The following PRELID2 variants were observed in gnomAD, a reference collection of about 807,000 sequenced individuals.
PRELID2 encodes PRELI domain-containing protein 2.
Under a neutral mutation model 28.4 loss-of-function variants are expected in PRELID2, and 25 were observed. The observed-to-expected ratio is 0.88, with a 90% confidence interval of 0.64 to 1.23. The LOEUF is 1.23. Among genes scored for constraint, PRELID2 ranks in the 50% most tolerant of loss-of-function variants. The probability of loss-of-function intolerance (pLI) is 0.00; values close to 1 mark genes in which losing one functional copy is unlikely to be tolerated. For synonymous variants in PRELID2, 76 were observed against 71.6 expected (o/e 1.06, Z -0.31); for missense variants, 201 against 214.4 (o/e 0.94, Z 0.39).
chr5:145,817,198 A>AAAAAAAAATATAT (rs1365517052), intron 4 of PRELID2, among the ~76,000 whole-genome samples: 2 of 70,078 alleles, frequency 2.9e-5, no homozygotes, highest in South Asian at 5.4e-4. Context: ...TTCAAAAAAA[A>AAAAAAAAATATAT]ATAAATAAAT....
the PRELID2 span, among the ~76,000 whole-genome samples, chr5:145,396,120 C>T: frequency 6.6e-6 from 1 of 152,130 alleles, no homozygotes; most frequent in Non-Finnish European, 1.5e-5. Flanking sequence ...ATTTACAAGA[C>T]CGCTTAATAC....
the PRELID2 span, among the ~76,000 whole-genome samples, chr5:145,380,074 C>T: frequency 6.6e-6 from 1 of 152,328 alleles, no homozygotes; most frequent in Admixed American, 6.5e-5. Context: ...GCACCAAACC[C>T]TCTGGGCTCT....
chr5:145,294,783 T>C, the PRELID2 span, among the ~76,000 whole-genome samples: 1 of 152,160 alleles, frequency 6.6e-6, no homozygotes, highest in Non-Finnish European at 1.5e-5. Context: ...ATTTCTGCAT[T>C]TAATGCCATA....
At chr5:145,828,154 G>C (rs566656453) in intron 1 of PRELID2, among the ~76,000 whole-genome samples, 1 of 152,086 alleles carries the variant, frequency 6.6e-6, no homozygotes, top group South Asian at 2.1e-4. Context: ...TGAGAAGCTT[G>C]GACAAATCAC....
the PRELID2 span, among the ~76,000 whole-genome samples, chr5:145,430,197 A>G: frequency 6.6e-6 from 1 of 152,120 alleles, no homozygotes; most frequent in Non-Finnish European, 1.5e-5. Flanking sequence ...CAAATATACC[A>G]TCCTCCATGA....
the PRELID2 span, among the ~76,000 whole-genome samples, chr5:145,298,835 AT>A: frequency 6.6e-6 from 1 of 152,212 alleles, no homozygotes; most frequent in Non-Finnish European, 1.5e-5. Flanking sequence ...ATATTTTACA[AT>A]GTAACATATT....
At chr5:145,605,728 T>C (rs2149641269) in intron 1 of PRELID2, among the ~76,000 whole-genome samples, 1 of 152,036 alleles carries the variant, frequency 6.6e-6, no homozygotes, top group South Asian at 2.1e-4. Context: ...CCTTGAAAAA[T>C]AATGGAAATA....
rs185271114 is a variant in PRELID2, at chr5:145,539,938, C to A, written n.71-66623G>T. On this transcript the variant is annotated intron_variant and non_coding_transcript_variant, in intron 1 of 2. Coordinates refer to the PRELID2 transcript ENST00000510259. The stretch of plus-strand genomic sequence containing the variant: ...CTAGAAAGAAATAAGCCAAAATGTG[C>A]CTCTAAGTAATGAAATTATGATTGT... 5.3e-3 allele frequency among the ~76,000 whole-genome samples: 809 copies of A among 151,468 alleles called. 2 individuals are homozygous for A. The highest frequency in any genetic ancestry group is 8.0e-3 in the Non-Finnish European group (543 of 67,762).
intron 1 of PRELID2, among the ~76,000 whole-genome samples, chr5:145,699,096 C>T (rs1273789940): frequency 6.6e-6 from 1 of 152,098 alleles, no homozygotes; most frequent in Non-Finnish European, 1.5e-5. Context: ...GGGAGAAACA[C>T]AAACATTCGG....
At chr5:145,370,347 C>T in the PRELID2 span, among the ~76,000 whole-genome samples, 1 of 151,980 alleles carries the variant, frequency 6.6e-6, no homozygotes, top group African/African-American at 2.4e-5. Flanking sequence ...ATATGGCTAG[C>T]CAGTTTTCCC....
the PRELID2 span, among the ~76,000 whole-genome samples, chr5:145,366,719 C>T: frequency 6.6e-6 from 1 of 151,872 alleles, no homozygotes; most frequent in South Asian, 2.1e-4. Context: ...GTGCTCCATA[C>T]AGCATCACAC....
the PRELID2 span, among the ~76,000 whole-genome samples, chr5:145,332,337 C>T: frequency 6.8e-4 from 103 of 152,304 alleles, no homozygotes; most frequent in Non-Finnish European, 8.8e-4. Context: ...GGGAAGTTCT[C>T]CTGGATAATA....
At chr5:145,729,016 T>C in intron 1 of PRELID2, 1 of 694,832 alleles carries the variant, frequency 1.4e-6, no homozygotes, top group South Asian at 1.6e-5. Flanking sequence ...CTGGCCAAAG[T>C]AACATTGGGA....
the PRELID2 span, among the ~76,000 whole-genome samples, chr5:145,261,486 G>A: frequency 5.0e-3 from 766 of 152,234 alleles, 6 homozygotes; most frequent in African/African-American, 0.017. Flanking sequence ...GAGACCTGAA[G>A]ACAGATCACA....
chr5:145,620,372 G>A (rs148670226), intron 1 of PRELID2, among the ~76,000 whole-genome samples: 1 of 152,246 alleles, frequency 6.6e-6, no homozygotes, highest in Non-Finnish European at 1.5e-5. Context: ...AACACTAAGA[G>A]TTAACCCTAA....
the PRELID2 span, among the ~76,000 whole-genome samples, chr5:145,421,046 C>A: frequency 2.5e-3 from 380 of 149,998 alleles, no homozygotes; most frequent in Non-Finnish European, 4.5e-3. Flanking sequence ...TATTGATTTG[C>A]GTATATTGAA....
At chr5:145,646,201 T>A (rs1217253639) in intron 1 of PRELID2, among the ~76,000 whole-genome samples, 1 of 152,188 alleles carries the variant, frequency 6.6e-6, no homozygotes, top group Non-Finnish European at 1.5e-5. Flanking sequence ...TTTCACATAG[T>A]CTCATATTTC....
the PRELID2 span, among the ~76,000 whole-genome samples, chr5:145,421,257 T>C: frequency 6.8e-6 from 1 of 148,024 alleles, no homozygotes; most frequent in Admixed American, 6.7e-5. Context: ...TAAAATGAGT[T>C]AGGGAGGATT....
At chr5:145,668,078 A>G (rs1296969290) in intron 1 of PRELID2, among the ~76,000 whole-genome samples, 1 of 152,118 alleles carries the variant, frequency 6.6e-6, no homozygotes, top group Non-Finnish European at 1.5e-5. Flanking sequence ...GTCACATTAG[A>G]ATTTCAGGAA....
Sources: allele counts gnomAD v4.1 joint callset (sites outside exome capture counted in the v4.1 genomes callset), GRCh38; gene constraint gnomAD v4.1.1; transcripts MANE v1.5; gene names NCBI Gene and HGNC (gene_info 2026-07-23, HGNC 2026-07-21).